NHS: variants seen among roughly 807,000 people sequenced by gnomAD.
NHS encodes NHS actin remodeling regulator.
NHS carries 5 observed loss-of-function variants against 72.5 expected under a neutral mutation model. That is an observed-to-expected ratio of 0.07 (90% CI 0.04 to 0.14). The LOEUF (loss-of-function observed/expected upper bound fraction) is 0.14, where lower values mean the gene tolerates loss of function less well. NHS is among the 10% of genes least tolerant of loss of function. NHS has a pLI of 1.00. For missense variants in NHS, 1,072 were observed against 1,355.7 expected (o/e 0.79, Z 3.29); for synonymous variants, 464 against 547.7 (o/e 0.85, Z 2.13).
At chrX:17,579,593 T>A (rs748124970) in intron 1 of NHS, among the ~76,000 whole-genome samples, 26 of 111,113 alleles carry the variant, frequency 2.3e-4, no homozygotes, top group Non-Finnish European at 4.7e-4. Flanking sequence ...ACATGCCAAC[T>A]AACAAAGAAC....
At chrX:17,720,778 G>T (rs1043596196) in intron 4 of NHS, among the ~76,000 whole-genome samples, 2 of 112,402 alleles carry the variant, frequency 1.8e-5, no homozygotes, top group African/African-American at 6.5e-5. Context: ...TAAACTCACT[G>T]GAATATTTCC....
rs765009602 is a variant in NHS, at chrX:17,643,422, G to A, written c.566-44320G>A. On this transcript the variant is annotated intron_variant, in intron 1 of 8. Transcript: ENST00000676302. ...GGGGAAAGTGGGAGCTCTCAATGAG[G>A]TTAAGGGTTAAAAGATGTGCTATGG... is the stretch of plus-strand genomic sequence containing the variant. 2.7e-5 allele frequency among the ~76,000 whole-genome samples: 3 copies of A among 111,584 alleles called. No individual in the cohort carries two copies. In the South Asian group the frequency reaches 1.1e-3, roughly 43 times the overall value.
intron 1 of NHS, among the ~76,000 whole-genome samples, chrX:17,491,695 G>A (rs772562247): frequency 2.2e-4 from 24 of 109,058 alleles, no homozygotes; most frequent in Non-Finnish European, 4.0e-4. Context: ...AGAAGGAATG[G>A]TACCAGCTCC....
chrX:17,512,656 T>A (rs1407137283), intron 1 of NHS, among the ~76,000 whole-genome samples: 3 of 112,642 alleles, frequency 2.7e-5, no homozygotes, highest in African/African-American at 9.7e-5. Flanking sequence ...TAAGCAAATG[T>A]GAAATTTGCA....
chrX:17,622,504 C>G (rs2065778830), intron 1 of NHS, among the ~76,000 whole-genome samples: 1 of 112,207 alleles, frequency 8.9e-6, no homozygotes, highest in South Asian at 3.7e-4. Context: ...AAGCAGGAGT[C>G]CCCATGGCTA....
At chrX:17,506,046 GC>G (rs2065055968) in intron 1 of NHS, among the ~76,000 whole-genome samples, 1 of 111,776 alleles carries the variant, frequency 8.9e-6, no homozygotes, top group Non-Finnish European at 1.9e-5. Context: ...CTGACTCTCG[GC>G]CAAATCCTCA....
rs775404647 is a variant in NHS at position 17,728,658 on chromosome X, C to T, written c.4232C>T (p.Pro1411Leu). 6.6e-6 allele frequency: 8 copies of T among 1,208,827 alleles called. No individual in the cohort carries two copies. The highest frequency in any genetic ancestry group is 3.5e-5 in the South Asian group (2 of 56,904). Residue 1411 changes from proline to leucine, a missense_variant, in exon 8 of 9, where the codon CCG becomes CTG. By Grantham distance (98) the Pro-to-Leu change is moderately conservative. Transcript: ENST00000676302. ...VDEASLKESS[P>L]SDDSIISPLS... ...CTGTTCTTATTTTAAGAATCATCAC[C>T]GAGTGATGACTCCATCATTTCACCA...
At chrX:17,452,434 G>A in intron 1 of NHS, among the ~76,000 whole-genome samples, 1 of 110,954 alleles carries the variant, frequency 9.0e-6, no homozygotes, top group Non-Finnish European at 1.9e-5. Flanking sequence ...CCCTGCAGTG[G>A]GGCCTATGGT....
chrX:17,579,249 ATG>A (rs1408862741), intron 1 of NHS, among the ~76,000 whole-genome samples: 2 of 112,261 alleles, frequency 1.8e-5, no homozygotes, highest in Non-Finnish European at 3.8e-5. Flanking sequence ...CTCCTCAGGA[ATG>A]TGTGTCATGT....
chrX:17,732,620 C>A lies in NHS; in HGVS notation c.*156C>A. On this transcript the variant is annotated 3_prime_UTR_variant, in exon 9 of 9. Coordinates refer to ENST00000676302, the MANE Select transcript of NHS (RefSeq NM_001291867.2). Reference sequence around the variant, plus strand: ...CTAAATACAGTATGTGCTGGGTAAACAGAAAGTGGTTTAGACATTCTTGAT... The same window carrying A: ...CTAAATACAGTATGTGCTGGGTAAAAAGAAAGTGGTTTAGACATTCTTGAT... 2 of 810,979 alleles carry A rather than the reference C, an allele frequency of 2.5e-6. No individual in the cohort carries two copies. Among genetic ancestry groups the A allele is most frequent in the Non-Finnish European group, 3.6e-6 (2 of 557,144 alleles). The allele number at this position is 810,979 out of a possible 1,213,427, so 66.8% of individuals were successfully genotyped here. A position where few individuals can be genotyped will look rare whatever the true frequency, so the allele number is the denominator to read the frequency against.
At chrX:17,469,701 C>T (rs184533215) in intron 1 of NHS, among the ~76,000 whole-genome samples, 51 of 112,334 alleles carry the variant, frequency 4.5e-4, no homozygotes, top group African/African-American at 1.6e-3. Context: ...AGTGCCATGG[C>T]GTGATCTCGA....
At chrX:17,592,428 G>A (rs764316364) in intron 1 of NHS, among the ~76,000 whole-genome samples, 3 of 111,905 alleles carry the variant, frequency 2.7e-5, no homozygotes, top group African/African-American at 9.7e-5. Context: ...AGGTAATTAA[G>A]GGGAAGAAAA....
At chrX:17,381,084 G>A (rs994729503) in intron 1 of NHS, among the ~76,000 whole-genome samples, 1 of 111,045 alleles carries the variant, frequency 9.0e-6, no homozygotes, top group Non-Finnish European at 1.9e-5. Flanking sequence ...AAGGCATTAA[G>A]GAAGTATATT....
At chrX:17,712,277 A>G (rs1421690124) in intron 3 of NHS, among the ~76,000 whole-genome samples, 1 of 81,071 alleles carries the variant, frequency 1.2e-5, no homozygotes, top group East Asian at 4.3e-4. Context: ...ATATATATAT[A>G]TATATATATA....
chrX:17,409,319 A>G (rs2064545721), intron 1 of NHS, among the ~76,000 whole-genome samples: 1 of 111,259 alleles, frequency 9.0e-6, no homozygotes, highest in Admixed American at 9.5e-5. Flanking sequence ...CTTAATGAAA[A>G]TCTATGGTCA....
At chrX:17,501,667 CA>C (rs2065036788) in intron 1 of NHS, among the ~76,000 whole-genome samples, 1 of 111,916 alleles carries the variant, frequency 8.9e-6, no homozygotes. Flanking sequence ...GTCAAGGCTG[CA>C]GTGAGCCATG....
chrX:17,480,363 T>G (rs2064941333), intron 1 of NHS, among the ~76,000 whole-genome samples: 1 of 111,677 alleles, frequency 9.0e-6, no homozygotes. Flanking sequence ...GAGGCATTAT[T>G]TTACCTGACT....
At chrX:17,445,262 TCCTTCCC>T (rs1453737989) in intron 1 of NHS, among the ~76,000 whole-genome samples, 1 of 111,607 alleles carries the variant, frequency 9.0e-6, no homozygotes, top group Non-Finnish European at 1.9e-5. Context: ...TTCTCCTAGG[TCCTTCCC>T]CCTAAGTACA....
chrX:17,383,798 C>G (rs1348612083), intron 1 of NHS, among the ~76,000 whole-genome samples: 2 of 112,075 alleles, frequency 1.8e-5, no homozygotes, highest in Non-Finnish European at 3.8e-5. Context: ...CTGGAAATAG[C>G]TGTTACTACC....
Sources: gnomAD v4.1 joint callset for allele counts (sites outside exome capture counted in the v4.1 genomes callset) on GRCh38, gnomAD v4.1.1 for gene constraint, MANE v1.5 for transcripts, NCBI Gene and HGNC (gene_info 2026-07-23, HGNC 2026-07-21) for gene names.